SEC24D: variants seen among roughly 807,000 people sequenced by gnomAD.
The protein encoded by SEC24D is SEC24 homolog D, COPII component.
Under a neutral mutation model 116.9 loss-of-function variants are expected in SEC24D, and 69 were observed. That is an observed-to-expected ratio of 0.59 (90% confidence interval 0.49 to 0.72). SEC24D has a LOEUF of 0.72. Among genes scored for constraint, SEC24D ranks in the 30% least tolerant of loss-of-function variants. SEC24D has a pLI of 0.00. For synonymous variants in SEC24D, 405 were observed against 442.8 expected (o/e 0.91, Z 1.07); for missense variants, 1,131 against 1,264.1 (o/e 0.89, Z 1.60).
intron 11 of SEC24D, among the ~76,000 whole-genome samples, chr4:118,755,936 C>T (rs1184037896): frequency 1.3e-5 from 2 of 151,912 alleles, no homozygotes; most frequent in South Asian, 4.1e-4. Flanking sequence ...TTGCCAAAGT[C>T]ACACATCTGT....
At chr4:118,731,219 T>C in intron 21 of SEC24D, 97 bp downstream of exon 21, 1 of 959,834 alleles carries the variant, frequency 1.0e-6, no homozygotes, top group Non-Finnish European at 1.6e-6. Flanking sequence ...TATGCCTTAT[T>C]ATTTTTCTTT....
chr4:118,778,246 C>G (rs1298230255), intron 8 of SEC24D, among the ~76,000 whole-genome samples: 1 of 152,178 alleles, frequency 6.6e-6, no homozygotes, highest in Non-Finnish European at 1.5e-5. Flanking sequence ...TTAGGTCTAA[C>G]ATTTAAGTCT....
intron 10 of SEC24D, among the ~76,000 whole-genome samples, chr4:118,762,829 T>C (rs1727454839): frequency 6.6e-6 from 1 of 152,196 alleles, no homozygotes; most frequent in African/African-American, 2.4e-5. Flanking sequence ...TTCCCATCAA[T>C]TAGACTTCTG....
chr4:118,761,717 T>C (rs1245121615), intron 10 of SEC24D, among the ~76,000 whole-genome samples: 1 of 152,216 alleles, frequency 6.6e-6, no homozygotes. Context: ...TCACTTCATC[T>C]ACAATGTCTG....
At chr4:118,834,419 GA>G (rs1454783665) in intron 1 of SEC24D, among the ~76,000 whole-genome samples, 1 of 151,836 alleles carries the variant, frequency 6.6e-6, no homozygotes, top group Non-Finnish European at 1.5e-5. Context: ...GGGGACTAAG[GA>G]AAAAAAGTGT....
chr4:118,802,090 C>T (rs1729468448), intron 7 of SEC24D, among the ~76,000 whole-genome samples: 2 of 152,072 alleles, frequency 1.3e-5, no homozygotes, highest in East Asian at 3.9e-4. Context: ...TGCAACATAG[C>T]ATGGTAAGCA....
rs114205577 is a variant in SEC24D at position 118,750,784 on chromosome 4, T to A, written c.1707+1212A>T. Among the ~76,000 whole-genome samples, 469 of 152,304 alleles carry A rather than the reference T, an allele frequency of 3.1e-3. 1 individual carries two copies. The highest frequency in any genetic ancestry group is 0.011 in the African/African-American group (445 of 41,578). ...TTATTATTTGTTTGCTTCTGTTAGG[T>A]GAGCCTTAATATCTTCAAGTTGCTT... On this transcript the variant is annotated intron_variant, in intron 13 of 22. Transcript: ENST00000280551.
chr4:118,733,359 T>C (rs1486858110), intron 19 of SEC24D: 1 of 142,522 alleles, frequency 7.0e-6, no homozygotes, highest in Non-Finnish European at 1.5e-5. Flanking sequence ...ATACCATATA[T>C]ATATGTTTAG....
At chr4:118,730,954 C>T (rs780310026) in intron 21 of SEC24D, 4 of 266,558 alleles carry the variant, frequency 1.5e-5, no homozygotes. Flanking sequence ...AACTTGTCTC[C>T]AAGCCTCAAC....
rs1018317092 is a variant in SEC24D at position 118,797,573 on chromosome 4, T to C, written c.1041+110A>G. ...TACTAGATGTTTTGCATTATAAAAA[T>C]ATATTCCAGTTTCCTGTTTATATTA... is the stretch of plus-strand genomic sequence containing the variant. On this transcript the variant is annotated intron_variant, in intron 8 of 22. Transcript: ENST00000280551. 7 of 830,578 alleles carry C rather than the reference T, an allele frequency of 8.4e-6. No homozygotes were observed. The African/African-American group carries it at 1.2e-4, about 14-fold the overall frequency. The allele number at this position is 830,578 out of a possible 1,614,324, so 51.5% of individuals were successfully genotyped here.
chr4:118,797,842 T>C (rs1271945479), intron 7 of SEC24D, 32 bp from the exon 8 acceptor site: 2 of 1,530,632 alleles, frequency 1.3e-6, no homozygotes, highest in Middle Eastern at 1.8e-4. Flanking sequence ...ACTTAAAACT[T>C]GTTTAGAAAA....
chr4:118,727,315 T>C (rs1388945986), intron 22 of SEC24D, among the ~76,000 whole-genome samples: 1 of 152,212 alleles, frequency 6.6e-6, no homozygotes, highest in Non-Finnish European at 1.5e-5. Context: ...TGCTTAATAT[T>C]TTATTCACAT....
Position 118,830,128 on chromosome 4 carries a change from C to T in SEC24D, c.118+3451G>A, listed in dbSNP as rs372180795. On this transcript the variant is annotated intron_variant, in intron 2 of 22. Coordinates refer to ENST00000280551, the MANE Select transcript of SEC24D (RefSeq NM_014822.4). ...AAAGTCTTAAATAATTAAACCAAAA[C>T]ACCACAATATGCATAGAAAGATATA... Among the ~76,000 whole-genome samples, 10 of 152,306 alleles carry T rather than the reference C, an allele frequency of 6.6e-5. No individual in the cohort carries two copies. In the South Asian group the frequency reaches 1.0e-3, roughly 16 times the overall value.
rs191831989 is a variant in SEC24D at position 118,722,900 on chromosome 4, G to C, written c.*615C>G. Reference sequence around the variant, plus strand: ...GTAGAAACTTTCAAAATTGTACAAAGAACCATTAAGCATATTGATAAAGAC... The same window carrying C: ...GTAGAAACTTTCAAAATTGTACAAACAACCATTAAGCATATTGATAAAGAC... On this transcript the variant is annotated 3_prime_UTR_variant, in exon 23 of 23. Transcript: ENST00000280551. 1,343 of 152,548 alleles carry C rather than the reference G, an allele frequency of 8.8e-3. 11 individuals are homozygous for C. The highest frequency in any genetic ancestry group is 0.013 in the Non-Finnish European group (906 of 67,988). 9.4% of individuals were successfully genotyped at this position (152,548 alleles called of 1,614,324 possible). A position where few individuals can be genotyped will look rare whatever the true frequency, so the allele number is the denominator to read the frequency against.
intron 10 of SEC24D, among the ~76,000 whole-genome samples, chr4:118,763,673 G>A (rs1304510942): frequency 6.6e-6 from 1 of 152,160 alleles, no homozygotes; most frequent in Non-Finnish European, 1.5e-5. Flanking sequence ...ATGTCATTGT[G>A]ACACTGGACA....
intron 8 of SEC24D, among the ~76,000 whole-genome samples, chr4:118,783,490 G>C (rs1488414978): frequency 6.6e-6 from 1 of 152,170 alleles, no homozygotes; most frequent in Non-Finnish European, 1.5e-5. Flanking sequence ...TATCTCAAGT[G>C]CCAAGAACAG....
chr4:118,818,669 G>A (rs150447963), intron 3 of SEC24D, among the ~76,000 whole-genome samples: 1 of 152,006 alleles, frequency 6.6e-6, no homozygotes, highest in Admixed American at 6.5e-5. Context: ...TATTTCTGCA[G>A]TCTATGTTTT....
At position 118,731,346 on chromosome 4, in the gene SEC24D, C is replaced by T; in HGVS notation, c.2838G>A (p.Val946=). The change falls in exon 21 of 23, where the codon GTG becomes GTA. Residue 946 remains valine, a synonymous_variant. Transcript: ENST00000280551. ...PPELIQGIFN[V]PSFAHINTDM... ...CTGTGTTGATATGTGCAAAAGATGGCACATTAAATATTCCTTGGATCAGTT... is the reference window on the plus strand; with the variant it reads ...CTGTGTTGATATGTGCAAAAGATGGTACATTAAATATTCCTTGGATCAGTT... 6.2e-7 allele frequency: 1 copy of T among 1,613,918 alleles called. No homozygotes were observed. The highest frequency in any genetic ancestry group is 8.5e-7 in the Non-Finnish European group (1 of 1,179,892).
chr4:118,784,097 C>T (rs1412492943), intron 8 of SEC24D, among the ~76,000 whole-genome samples: 1 of 152,154 alleles, frequency 6.6e-6, no homozygotes, highest in Non-Finnish European at 1.5e-5. Flanking sequence ...TGGGCTACTT[C>T]CAGTAATACA....
Sources: allele counts gnomAD v4.1 joint callset (sites outside exome capture counted in the v4.1 genomes callset), GRCh38; gene constraint gnomAD v4.1.1; transcripts MANE v1.5; gene names NCBI Gene and HGNC (gene_info 2026-07-23, HGNC 2026-07-21).